The following NR1D2 variants were observed in gnomAD, a reference collection of about 807,000 sequenced individuals.
The protein encoded by NR1D2 is nuclear receptor subfamily 1 group D member 2, also known as V-erbA-related protein 1-related.
NR1D2 carries 25 observed loss-of-function variants against 52.2 expected under a neutral mutation model. The ratio of observed to expected loss-of-function variants is 0.48; its 90% CI spans 0.35 to 0.67. The LOEUF (loss-of-function observed/expected upper bound fraction) is 0.67. Ranked by LOEUF, NR1D2 falls within the 30% of genes least tolerant of loss-of-function variation. The pLI is 0.01. For synonymous variants in NR1D2, 259 were observed against 230.1 expected, an observed-to-expected ratio of 1.13 and a Z score of -1.14; for missense variants, 681 against 707.2, an observed-to-expected ratio of 0.96 and a Z score of 0.42.
At chr3:23,946,414 T>G in intron 1 of NR1D2, 1 of 540,750 alleles carries the variant, frequency 1.8e-6, no homozygotes, top group Non-Finnish European at 2.4e-6. Flanking sequence ...CCCGAAGGGA[T>G]ACGCTCGAAG....
At chr3:23,969,143 G>C (rs182013469) in intron 7 of NR1D2, among the ~76,000 whole-genome samples, 1 of 152,004 alleles carries the variant, frequency 6.6e-6, no homozygotes, top group East Asian at 1.9e-4. Flanking sequence ...AAAATTAGCC[G>C]GGCATGGTGG....
chr3:23,953,015 C>T (rs1265435983), intron 1 of NR1D2, among the ~76,000 whole-genome samples: 1 of 151,218 alleles, frequency 6.6e-6, no homozygotes, highest in Admixed American at 6.6e-5. Context: ...GTTTTGGCCT[C>T]AGCATTTTGC....
intron 5 of NR1D2, among the ~76,000 whole-genome samples, chr3:23,964,325 C>T (rs543463812): frequency 3.2e-4 from 48 of 152,282 alleles, no homozygotes; most frequent in African/African-American, 1.0e-3. Context: ...GATTCGCCTG[C>T]CTCGGTCTCC....
At chr3:23,955,984 A>G (rs1559331653) in intron 2 of NR1D2, 53 bp from the exon 3 acceptor site, 1 of 1,285,922 alleles carries the variant, frequency 7.8e-7, no homozygotes, top group South Asian at 1.2e-5. Context: ...TTGGAAAGAA[A>G]ACAGACTCGG....
At chr3:23,951,479 G>A (rs1320770246) in intron 1 of NR1D2, among the ~76,000 whole-genome samples, 3 of 152,198 alleles carry the variant, frequency 2.0e-5, no homozygotes, top group Non-Finnish European at 4.4e-5. Flanking sequence ...AGACATCTGT[G>A]AAAAAGTAGC....
chr3:23,958,594 T>C (rs1008346469), intron 3 of NR1D2, among the ~76,000 whole-genome samples: 1 of 149,188 alleles, frequency 6.7e-6, no homozygotes, highest in Non-Finnish European at 1.5e-5. Context: ...GAGCTATTAT[T>C]ACGTCATTGT....
At chr3:23,971,242 T>C (rs1706580520) in intron 7 of NR1D2, among the ~76,000 whole-genome samples, 1 of 152,188 alleles carries the variant, frequency 6.6e-6, no homozygotes, top group Non-Finnish European at 1.5e-5. Context: ...AACACCCTTC[T>C]TTTTAATTTT....
chr3:23,977,320 G>C lies in NR1D2; in HGVS notation c.1641G>C (p.Glu547Asp), dbSNP rs780912474. ...TAATAATGAAAAACCATCCAAATGA[G>C]GCCTCTATTTTTACAAAACTGCTTC... ...RTLIMKNHPN[E>D]ASIFTKLLLK... Residue 547 changes from glutamate (E) to aspartate (D), a missense_variant, in exon 8 of 8, where the codon GAG becomes GAC. By Grantham distance (45) the Glu-to-Asp change is conservative (BLOSUM62 2). Transcript: ENST00000312521. 53 of 1,613,208 alleles carry C rather than the reference G, an allele frequency of 3.3e-5. No homozygotes were observed. Among genetic ancestry groups the C allele is most frequent in the Non-Finnish European group, 4.2e-5 (49 of 1,179,484 alleles).
At chr3:23,950,166 T>C (rs995293614) in intron 1 of NR1D2, among the ~76,000 whole-genome samples, 20 of 152,250 alleles carry the variant, frequency 1.3e-4, no homozygotes, top group African/African-American at 4.1e-4. Context: ...AAAGCACTTA[T>C]GAATGCCATT....
Position 23,965,128 on chromosome 3 carries a change from A to AT in NR1D2, c.1298_1299insT (p.Gln434ProfsTer11). ...GGGTTCAGAGATCTCTCTCAGCATG[A>AT]CCAGGTCAACCTTTTAAAGGCTGGG... On this transcript the variant is annotated frameshift_variant, in exon 6 of 8. Transcript: ENST00000312521. LOFTEE classifies it high-confidence loss of function. 1 of 1,611,790 alleles carries AT rather than the reference A, an allele frequency of 6.2e-7. No homozygotes were observed. Among genetic ancestry groups the AT allele is most frequent in the Non-Finnish European group, 8.5e-7 (1 of 1,179,408 alleles).
At chr3:23,948,858 T>G (rs1705849348) in intron 1 of NR1D2, among the ~76,000 whole-genome samples, 1 of 152,114 alleles carries the variant, frequency 6.6e-6, no homozygotes, top group South Asian at 2.1e-4. Flanking sequence ...TTCTTGAGGG[T>G]GAAGGAGATA....
At chr3:23,968,076 G>C (rs1706498336) in intron 7 of NR1D2, 53 bp downstream of exon 7, 8 of 1,382,048 alleles carry the variant, frequency 5.8e-6, no homozygotes, top group Non-Finnish European at 8.3e-6. Flanking sequence ...TGACCAACTG[G>C]GGAGAAGATG....
At chr3:23,946,950 A>G (rs145307809) in intron 1 of NR1D2, among the ~76,000 whole-genome samples, 46 of 152,306 alleles carry the variant, frequency 3.0e-4, no homozygotes, top group African/African-American at 1.1e-3. Flanking sequence ...CTCGATAACA[A>G]ATGTATTGTG....
intron 1 of NR1D2, chr3:23,946,329 G>A (rs1265694382): frequency 2.0e-6 from 2 of 980,906 alleles, no homozygotes; most frequent in African/African-American, 3.5e-5. Flanking sequence ...ATACCTTGCA[G>A]ATTCCGAGGA....
In NR1D2 at chr3:23,962,300, C is replaced by T. The variant is rs778047123; in HGVS notation, c.841C>T (p.Pro281Ser). Residue 281 changes from proline to serine, a missense_variant, in exon 5 of 8, where the codon CCC (proline) becomes TCC (serine). By Grantham distance (74) the Pro-to-Ser change is moderately conservative. This residue lies in a region of NR1D2 where 475 missense variants were observed against 454.5 expected (regional missense o/e 1.05). Transcript: ENST00000312521. ...AGAAAACTCAGCTGAGAGCATGCAG[C>T]CCCAGAGAGGAGAACGGATTCCCAA... ...QQENSAESMQPQRGERIPKNM... is the reference protein window; with the variant it reads ...QQENSAESMQSQRGERIPKNM... The T allele has an allele frequency of 1.2e-6, 2 of 1,614,036 alleles. No individual in the cohort carries two copies. The highest frequency in any genetic ancestry group is 1.1e-5 in the South Asian group (1 of 91,076).
At position 23,971,301 on chromosome 3, in the gene NR1D2, C is replaced by CCATTTT. The variant is rs201185985; in HGVS notation, c.1543+3278_1543+3279insCATTTT. Among the ~76,000 whole-genome samples, 11 of 110,852 alleles carry CCATTTT rather than the reference C, an allele frequency of 9.9e-5. 2 individuals are homozygous for CCATTTT. The highest frequency in any genetic ancestry group is 9.1e-5 in the Non-Finnish European group (5 of 54,840). 72.7% of individuals were successfully genotyped at this position (110,852 alleles called of 152,430 possible). A position where few individuals can be genotyped will look rare whatever the true frequency, so the allele number is the denominator to read the frequency against. On this transcript the variant is annotated intron_variant, in intron 7 of 7. Coordinates refer to ENST00000312521, the MANE Select transcript of NR1D2 (RefSeq NM_005126.5). ...GAATATAATGCTTATATCTCTATAC[C>CCATTTT]TATTTTTTTTTTTTTTTTTTTTGAG...
intron 5 of NR1D2, chr3:23,963,237 T>C: frequency 7.4e-7 from 1 of 1,350,114 alleles, no homozygotes; most frequent in Non-Finnish European, 9.8e-7. Flanking sequence ...AGTGTTCATA[T>C]TCAGCCAAAA....
At chr3:23,950,559 T>C (rs1183833374) in intron 1 of NR1D2, among the ~76,000 whole-genome samples, 1 of 152,238 alleles carries the variant, frequency 6.6e-6, no homozygotes, top group Non-Finnish European at 1.5e-5. Context: ...TTTGGGTTGC[T>C]ATCAGTCAGG....
chr3:23,947,579 T>G (rs1705780225), intron 1 of NR1D2, among the ~76,000 whole-genome samples: 1 of 152,234 alleles, frequency 6.6e-6, no homozygotes, highest in Admixed American at 6.5e-5. Flanking sequence ...TTAGTATTTT[T>G]GGCATGTTGC....
Sources: gnomAD v4.1 joint callset for allele counts (sites outside exome capture counted in the v4.1 genomes callset) on GRCh38, gnomAD v4.1.1 for gene constraint, gnomAD v4.1.1 regional missense constraint, MANE v1.5 for transcripts, NCBI Gene and HGNC (gene_info 2026-07-23, HGNC 2026-07-21) for gene names.